ZNF704: variants seen among roughly 807,000 people sequenced by gnomAD.
ZNF704 encodes the protein glucocorticoid induced gene 1.
ZNF704 carries 10 observed loss-of-function variants against 44.7 expected under a neutral mutation model. That is an observed-to-expected ratio of 0.22 (90% CI 0.14 to 0.38). The LOEUF (loss-of-function observed/expected upper bound fraction) is 0.38, where lower values mean the gene tolerates loss of function less well. Ranked by LOEUF, ZNF704 falls within the 10% of genes least tolerant of loss-of-function variation. The probability of loss-of-function intolerance (pLI) is 1.00; values close to 1 mark genes in which losing one functional copy is unlikely to be tolerated. For missense variants in ZNF704, 390 were observed against 545.5 expected (o/e 0.71, Z 2.84); for synonymous variants, 211 against 207.6 (o/e 1.02, Z -0.14).
intron 2 of ZNF704, among the ~76,000 whole-genome samples, chr8:80,703,737 AG>A (rs1341085023): frequency 6.6e-6 from 1 of 152,186 alleles, no homozygotes; most frequent in Admixed American, 6.5e-5. Context: ...AGCCTCCCAA[AG>A]TGCTGGGATT....
At chr8:80,867,706 G>A (rs569976251) in intron 1 of ZNF704, among the ~76,000 whole-genome samples, 34 of 152,328 alleles carry the variant, frequency 2.2e-4, no homozygotes, top group African/African-American at 8.2e-4. Flanking sequence ...TTGGAATTCA[G>A]TGTTTGCTGC....
intron 1 of ZNF704, among the ~76,000 whole-genome samples, chr8:80,823,389 G>A (rs1268671117): frequency 6.6e-6 from 1 of 152,218 alleles, no homozygotes; most frequent in Non-Finnish European, 1.5e-5. Flanking sequence ...ATCAGCCACT[G>A]CTGAGGCTTG....
At chr8:80,871,569 C>T (rs1490695863) in intron 1 of ZNF704, among the ~76,000 whole-genome samples, 3 of 152,298 alleles carry the variant, frequency 2.0e-5, no homozygotes, top group African/African-American at 7.2e-5. Context: ...TGTACATCTG[C>T]ATCTATGTAT....
At chr8:80,770,987 C>T (rs1807310196) in intron 2 of ZNF704, among the ~76,000 whole-genome samples, 1 of 152,134 alleles carries the variant, frequency 6.6e-6, no homozygotes, top group Admixed American at 6.5e-5. Flanking sequence ...ACCTTTCTTG[C>T]ACTGAGTTTC....
chr8:80,739,492 G>A (rs947859916), intron 2 of ZNF704, among the ~76,000 whole-genome samples: 3 of 152,186 alleles, frequency 2.0e-5, no homozygotes, highest in Non-Finnish European at 4.4e-5. Flanking sequence ...CAAACTCAGG[G>A]AGGCTTGGCA....
rs533027323 is a variant in ZNF704, at chr8:80,738,775, C to T, written c.222-45668G>A. On this transcript the variant is annotated intron_variant, in intron 2 of 8. Transcript: ENST00000327835. The stretch of plus-strand genomic sequence containing the variant: ...ATATACTTCTGTCTCCCCTGAGCAC[C>T]TGGTACACAGGTACTCAGCAGATAC... Among the ~76,000 whole-genome samples, 10 of 152,312 alleles carry T rather than the reference C, an allele frequency of 6.6e-5. No homozygotes were observed. In the South Asian group the frequency reaches 1.9e-3, roughly 28 times the overall value.
intron 7 of ZNF704, among the ~76,000 whole-genome samples, chr8:80,646,880 C>T (rs1424012589): frequency 6.6e-6 from 1 of 152,096 alleles, no homozygotes; most frequent in Non-Finnish European, 1.5e-5. Context: ...TATAGAATCC[C>T]AAGAACACTG....
rs1817548544 is a variant in ZNF704 at position 80,629,319 on chromosome 8, A to G, written c.*12047T>C. 1 of 152,214 alleles carries G rather than the reference A, an allele frequency of 6.6e-6. No homozygotes were observed. The highest frequency in any genetic ancestry group is 1.5e-5 in the Non-Finnish European group (1 of 68,036). The allele number at this position is 152,214 out of a possible 1,614,324, so 9.4% of individuals were successfully genotyped here. On this transcript the variant is annotated 3_prime_UTR_variant, in exon 9 of 9. Transcript: ENST00000327835. ...ATCTGGATTTGGCTAAAAATCATAT[A>G]AAAAGACACAATGCCCCTTCCCCAA...
At chr8:80,662,699 G>A (rs751842325) in intron 6 of ZNF704, among the ~76,000 whole-genome samples, 10 of 152,178 alleles carry the variant, frequency 6.6e-5, no homozygotes, top group Admixed American at 6.5e-5. Context: ...CCACTGGAAA[G>A]CATTCTGGCA....
chr8:80,802,786 G>A (rs1181880341), intron 2 of ZNF704, among the ~76,000 whole-genome samples: 1 of 152,124 alleles, frequency 6.6e-6, no homozygotes, highest in Non-Finnish European at 1.5e-5. Flanking sequence ...CACAAGACAA[G>A]TATGCCCCCT....
chr8:80,737,381 G>A (rs1806685053), intron 2 of ZNF704, among the ~76,000 whole-genome samples: 1 of 152,194 alleles, frequency 6.6e-6, no homozygotes, highest in African/African-American at 2.4e-5. Flanking sequence ...TTGCTAGGAG[G>A]ACACAGTCCC....
rs572064294 is a variant in ZNF704, at chr8:80,855,444, A to G, written c.-22+19127T>C. On this transcript the variant is annotated intron_variant, in intron 1 of 8. Transcript: ENST00000327835. Reference sequence around the variant, plus strand: ...ACATATACACAGTGGAATACCATTCAGCCATAAAAAAGAATGAGATCCTGT... The same window carrying G: ...ACATATACACAGTGGAATACCATTCGGCCATAAAAAAGAATGAGATCCTGT... Among the ~76,000 whole-genome samples the G allele has an allele frequency of 7.2e-5, 11 of 152,338 alleles. No individual in the cohort carries two copies. The Middle Eastern group carries it at 0.014, about 188-fold the overall frequency.
chr8:80,879,295 G>A (rs183644663), upstream of ZNF704, among the ~76,000 whole-genome samples: 463 of 150,250 alleles, frequency 3.1e-3, 2 homozygotes, highest in Admixed American at 0.019. Flanking sequence ...GGAGTGCAGT[G>A]GCTCAATCAC....
chr8:80,729,774 A>C (rs1271483076), intron 2 of ZNF704, among the ~76,000 whole-genome samples: 2 of 152,146 alleles, frequency 1.3e-5, no homozygotes, highest in Non-Finnish European at 2.9e-5. Flanking sequence ...TGGCTTTGGG[A>C]GATTCCAGTT....
chr8:80,661,201 C>T (rs921847663), intron 6 of ZNF704, among the ~76,000 whole-genome samples: 2 of 152,124 alleles, frequency 1.3e-5, no homozygotes, highest in Middle Eastern at 3.2e-3. Flanking sequence ...AAATGCTCAA[C>T]GTCACTAATA....
At chr8:80,710,993 G>T (rs1039978345) in intron 2 of ZNF704, among the ~76,000 whole-genome samples, 8 of 152,146 alleles carry the variant, frequency 5.3e-5, no homozygotes, top group Admixed American at 1.3e-4. Flanking sequence ...TTCGCATAGG[G>T]CTAATTCTTC....
At chr8:80,825,722 C>G (rs1378840195) in intron 1 of ZNF704, among the ~76,000 whole-genome samples, 5 of 152,196 alleles carry the variant, frequency 3.3e-5, no homozygotes, top group Non-Finnish European at 7.3e-5. Context: ...TTATAACAAA[C>G]TGTCTCTCAG....
chr8:80,845,704 C>G (rs1342459824), intron 1 of ZNF704, among the ~76,000 whole-genome samples: 1 of 152,124 alleles, frequency 6.6e-6, no homozygotes, highest in East Asian at 1.9e-4. Flanking sequence ...TACCCCCAAA[C>G]AGAGGAAGAA....
chr8:80,654,285 G>A (rs949532185), intron 7 of ZNF704, among the ~76,000 whole-genome samples: 18 of 152,288 alleles, frequency 1.2e-4, no homozygotes, highest in African/African-American at 4.3e-4. Context: ...CATGGACAAG[G>A]ACTTCATGTC....
Sources: allele counts gnomAD v4.1 joint callset (sites outside exome capture counted in the v4.1 genomes callset), GRCh38; gene constraint gnomAD v4.1.1; transcripts MANE v1.5; gene names NCBI Gene and HGNC (gene_info 2026-07-23, HGNC 2026-07-21).